FHIP1A: variants seen among roughly 807,000 people sequenced by gnomAD.
The protein encoded by FHIP1A is FHF complex subunit HOOK interacting protein 1A.
In FHIP1A, 61 loss-of-function variants were observed where a neutral mutation model predicts 88.6. The observed-to-expected ratio is 0.69, with a 90% confidence interval of 0.56 to 0.85. The LOEUF is 0.85. FHIP1A is among the 40% of genes least tolerant of loss of function. FHIP1A has a pLI of 0.00. For synonymous variants in FHIP1A, 478 were observed against 496.0 expected (o/e 0.96, Z 0.48); for missense variants, 1,154 against 1,273.5 (o/e 0.91, Z 1.43).
chr4:151,642,046 G>A (rs1736607318), intron 9 of FHIP1A, among the ~76,000 whole-genome samples: 1 of 152,202 alleles, frequency 6.6e-6, no homozygotes, highest in Non-Finnish European at 1.5e-5. Flanking sequence ...ACGGATACTA[G>A]TTTCTTTCAT....
intron 7 of FHIP1A, among the ~76,000 whole-genome samples, chr4:151,623,836 C>CA (rs1463701882): frequency 2.0e-5 from 3 of 152,154 alleles, no homozygotes; most frequent in Non-Finnish European, 2.9e-5. Context: ...CTGTTTTCCT[C>CA]AAAACCTCAT....
chr4:151,503,287 T>A (rs1730715402), intron 3 of FHIP1A, among the ~76,000 whole-genome samples: 1 of 152,228 alleles, frequency 6.6e-6, no homozygotes, highest in African/African-American at 2.4e-5. Flanking sequence ...TCCATGTGAC[T>A]CACTTTGGTA....
chr4:151,575,264 A>G (rs1712002435), intron 4 of FHIP1A, among the ~76,000 whole-genome samples: 1 of 152,198 alleles, frequency 6.6e-6, no homozygotes, highest in Non-Finnish European at 1.5e-5. Context: ...TTTGTTCTTC[A>G]GAATGTGGAG....
rs1734675040 is a variant in FHIP1A at position 151,597,059 on chromosome 4, G to A, written c.978+8133G>A. On this transcript the variant is annotated intron_variant, in intron 7 of 13. Coordinates refer to ENST00000435205, the MANE Select transcript of FHIP1A (RefSeq NM_001109977.3). ...TCAAACTCATTCTCCGTCCAGTTTT[G>A]TTCCCTTGCTGGCGAGGTGTTGTGA... 2.0e-5 allele frequency among the ~76,000 whole-genome samples: 3 copies of A among 152,080 alleles called. No individual in the cohort carries two copies. In the South Asian group the frequency reaches 6.2e-4, roughly 32 times the overall value.
At chr4:151,564,765 C>G (rs1383138011) in intron 3 of FHIP1A, among the ~76,000 whole-genome samples, 2 of 152,170 alleles carry the variant, frequency 1.3e-5, no homozygotes, top group Non-Finnish European at 2.9e-5. Flanking sequence ...TATACCTTAA[C>G]CCTCCTCCAT....
At chr4:151,502,449 G>A (rs1426370622) in intron 3 of FHIP1A, among the ~76,000 whole-genome samples, 2 of 152,150 alleles carry the variant, frequency 1.3e-5, no homozygotes, top group Non-Finnish European at 2.9e-5. Context: ...AAATTCAGGA[G>A]CTGAAAGATA....
intron 8 of FHIP1A, among the ~76,000 whole-genome samples, chr4:151,632,220 A>G (rs529359248): frequency 1.2e-4 from 18 of 151,980 alleles, no homozygotes; most frequent in Admixed American, 1.2e-3. Flanking sequence ...GACATTAATG[A>G]TAAAAGGGTC....
intron 7 of FHIP1A, among the ~76,000 whole-genome samples, chr4:151,621,288 T>A (rs950241078): frequency 6.6e-6 from 1 of 152,098 alleles, no homozygotes; most frequent in African/African-American, 2.4e-5. Flanking sequence ...TGTGCAGGTC[T>A]GGGACAACAG....
intron 9 of FHIP1A, among the ~76,000 whole-genome samples, chr4:151,644,030 A>G (rs1221255754): frequency 6.6e-6 from 1 of 152,252 alleles, no homozygotes; most frequent in Non-Finnish European, 1.5e-5. Context: ...ATGAATATCA[A>G]CTTAAATCAT....
At chr4:151,544,014 T>C (rs530189659) in intron 3 of FHIP1A, among the ~76,000 whole-genome samples, 1 of 152,298 alleles carries the variant, frequency 6.6e-6, no homozygotes, top group Admixed American at 6.5e-5. Context: ...AGGGCAAGTG[T>C]CATGGCTCAA....
At chr4:151,524,439 G>A (rs1011767689) in intron 3 of FHIP1A, among the ~76,000 whole-genome samples, 24 of 152,154 alleles carry the variant, frequency 1.6e-4, no homozygotes, top group Non-Finnish European at 7.4e-5. Context: ...CAGGCCTGTA[G>A]AAATTAAATG....
chr4:151,526,575 C>T (rs1408087705), intron 3 of FHIP1A, among the ~76,000 whole-genome samples: 28 of 146,872 alleles, frequency 1.9e-4, no homozygotes, highest in African/African-American at 6.6e-4. Flanking sequence ...CAGAGGCGCC[C>T]CTCACCTCCC....
At chr4:151,572,981 A>G (rs1395159838) in intron 4 of FHIP1A, among the ~76,000 whole-genome samples, 1 of 152,186 alleles carries the variant, frequency 6.6e-6, no homozygotes, top group Admixed American at 6.5e-5. Flanking sequence ...TGGCCATTTG[A>G]AATTCAGGCC....
chr4:151,559,564 A>G (rs1356251382), intron 3 of FHIP1A, among the ~76,000 whole-genome samples: 1 of 152,168 alleles, frequency 6.6e-6, no homozygotes, highest in African/African-American at 2.4e-5. Context: ...TGTTCTGTAT[A>G]TATTTTGGCA....
intron 11 of FHIP1A, among the ~76,000 whole-genome samples, chr4:151,652,738 G>C (rs539889022): frequency 6.6e-6 from 1 of 152,224 alleles, no homozygotes; most frequent in Non-Finnish European, 1.5e-5. Context: ...GTGAAAGCAG[G>C]TGAGAATGAT....
At chr4:151,644,382 C>T (rs567203184) in intron 9 of FHIP1A, among the ~76,000 whole-genome samples, 40 of 151,964 alleles carry the variant, frequency 2.6e-4, no homozygotes, top group Non-Finnish European at 5.1e-4. Context: ...GACAGGCTCT[C>T]ACTCTGTCCC....
chr4:151,453,824 G>A (rs2126586192), intron 1 of FHIP1A, among the ~76,000 whole-genome samples: 1 of 152,150 alleles, frequency 6.6e-6, no homozygotes, highest in Admixed American at 6.6e-5. Context: ...AGCCGAGATA[G>A]CACCATTGCA....
chr4:151,564,754 A>G (rs374974085), intron 3 of FHIP1A, among the ~76,000 whole-genome samples: 4 of 152,316 alleles, frequency 2.6e-5, no homozygotes, highest in South Asian at 4.1e-4. Context: ...CGTCCTTTCT[A>G]TATACCTTAA....
chr4:151,633,497 A>G (rs1432300056), intron 8 of FHIP1A, among the ~76,000 whole-genome samples: 2 of 151,946 alleles, frequency 1.3e-5, no homozygotes, highest in East Asian at 1.9e-4. Context: ...CTAGACAAAG[A>G]TACTTCAAGA....
Sources: gnomAD v4.1 joint callset for allele counts (sites outside exome capture counted in the v4.1 genomes callset) on GRCh38, gnomAD v4.1.1 for gene constraint, MANE v1.5 for transcripts, NCBI Gene and HGNC (gene_info 2026-07-23, HGNC 2026-07-21) for gene names.